The following PCLAF variants were observed in gnomAD, a reference collection of about 807,000 sequenced individuals.
The protein encoded by PCLAF is PCNA-associated factor.
PCLAF carries 12 observed loss-of-function variants against 15.1 expected under a neutral mutation model. The observed-to-expected ratio is 0.79, with a 90% confidence interval of 0.51 to 1.29. PCLAF has a LOEUF of 1.29. PCLAF is among the 50% of genes most tolerant of loss of function. The pLI is 0.00. For synonymous variants in PCLAF, 33 were observed against 47.1 expected, an observed-to-expected ratio of 0.70 and a Z score of 1.22; for missense variants, 116 against 130.9, an observed-to-expected ratio of 0.89 and a Z score of 0.56.
intron 3 of PCLAF, among the ~76,000 whole-genome samples, chr15:64,375,776 G>A (rs1899584408): frequency 6.6e-6 from 1 of 152,130 alleles, no homozygotes; most frequent in Non-Finnish European, 1.5e-5. Context: ...AAGCCAACAA[G>A]GAAATTGCCT....
At chr15:64,366,837 G>T (rs1015262785) in intron 3 of PCLAF, among the ~76,000 whole-genome samples, 4 of 152,078 alleles carry the variant, frequency 2.6e-5, no homozygotes, top group African/African-American at 9.7e-5. Context: ...CCGGGCAGTG[G>T]GGGTGTGTGC....
At chr15:64,385,137 A>G (rs1394051925), upstream of PCLAF, among the ~76,000 whole-genome samples, 1 of 151,660 alleles carries the variant, frequency 6.6e-6, no homozygotes, top group Non-Finnish European at 1.5e-5. Flanking sequence ...CAATCCTCCC[A>G]CCTCAGCCTC....
chr15:64,378,811 T>C (rs1004826571), intron 2 of PCLAF, among the ~76,000 whole-genome samples: 1 of 151,780 alleles, frequency 6.6e-6, no homozygotes, highest in African/African-American at 2.4e-5. Context: ...CTTAGGAGGC[T>C]GAGGCAGAAG....
chr15:64,383,572 G>C (rs904436520), upstream of PCLAF, among the ~76,000 whole-genome samples: 3 of 151,922 alleles, frequency 2.0e-5, no homozygotes, highest in African/African-American at 7.3e-5. Flanking sequence ...TCACCATGTT[G>C]GCCAGGCTGG....
chr15:64,368,242 G>A (rs1158026848), intron 3 of PCLAF, among the ~76,000 whole-genome samples: 1 of 152,008 alleles, frequency 6.6e-6, no homozygotes, highest in Non-Finnish European at 1.5e-5. Flanking sequence ...CTACTCAGGA[G>A]GCTGAGGCAG....
At chr15:64,372,442 G>C (rs1235452747) in intron 3 of PCLAF, among the ~76,000 whole-genome samples, 1 of 143,456 alleles carries the variant, frequency 7.0e-6, no homozygotes, top group Non-Finnish European at 1.5e-5. Context: ...GTGAAACCCC[G>C]TCTCTACTAA....
chr15:64,366,567 G>C (rs1177943923), intron 3 of PCLAF, among the ~76,000 whole-genome samples: 1 of 152,172 alleles, frequency 6.6e-6, no homozygotes, highest in Non-Finnish European at 1.5e-5. Flanking sequence ...GCCAGACACA[G>C]TGACTTACAC....
At chr15:64,367,558 T>G (rs1245563900) in intron 3 of PCLAF, among the ~76,000 whole-genome samples, 1 of 151,750 alleles carries the variant, frequency 6.6e-6, no homozygotes, top group Non-Finnish European at 1.5e-5. Context: ...CCATTATAGT[T>G]TTTTTTTTGA....
exon 1 of PCLAF, chr15:64,387,530 A>C: frequency 7.7e-7 from 1 of 1,301,276 alleles, no homozygotes; most frequent in Non-Finnish European, 9.9e-7. Context: ...CTTTCCGGGT[A>C]TTGGTTTGTT....
intron 2 of PCLAF, among the ~76,000 whole-genome samples, chr15:64,378,454 T>C (rs1377738574): frequency 6.6e-6 from 1 of 152,158 alleles, no homozygotes; most frequent in Non-Finnish European, 1.5e-5. Flanking sequence ...TTTATAAAAA[T>C]AGCAATGGGG....
Position 64,387,670 on chromosome 15 carries a change from C to A in PCLAF, n.18G>T, listed in dbSNP as rs537973168. 106 of 1,411,538 alleles carry A rather than the reference C, an allele frequency of 7.5e-5. No homozygotes were observed. In the East Asian group the frequency reaches 2.6e-3, roughly 34 times the overall value. The allele number at this position is 1,411,538 out of a possible 1,614,324, so 87.4% of individuals were successfully genotyped here. ...ACTGACAGAGCTCGACTCCGGAGGG[C>A]ACAAGGAAGTAGACAACAAAGCAGG... is the stretch of plus-strand genomic sequence containing the variant. On this transcript the variant is annotated non_coding_transcript_exon_variant, in exon 1 of 2. Coordinates refer to the PCLAF transcript ENST00000558250.
chr15:64,370,398 C>G (rs184130617), intron 3 of PCLAF, among the ~76,000 whole-genome samples: 120 of 149,828 alleles, frequency 8.0e-4, no homozygotes, highest in Non-Finnish European at 1.5e-3. Context: ...GACGGATTAT[C>G]GCTCTGTTGC....
chr15:64,380,372 G>T (rs1029762667), intron 2 of PCLAF, among the ~76,000 whole-genome samples: 5 of 151,940 alleles, frequency 3.3e-5, no homozygotes, highest in Admixed American at 2.6e-4. Context: ...AACAGTGCAA[G>T]ACTCTGTCTC....
chr15:64,382,646 C>G (rs1298086261), upstream of PCLAF: 1 of 156,000 alleles, frequency 6.4e-6, no homozygotes, highest in Non-Finnish European at 1.4e-5. Flanking sequence ...CACAACACCC[C>G]TGGGGAGTGA....
chr15:64,378,765 G>T (rs1287806822), intron 2 of PCLAF, among the ~76,000 whole-genome samples: 1 of 152,096 alleles, frequency 6.6e-6, no homozygotes, highest in Non-Finnish European at 1.5e-5. Context: ...ACAAAATTTA[G>T]CCAGGCATGG....
intron 3 of PCLAF, among the ~76,000 whole-genome samples, chr15:64,366,969 A>G (rs1899060552): frequency 6.9e-6 from 1 of 145,844 alleles, no homozygotes; most frequent in Non-Finnish European, 1.5e-5. Context: ...AGCCTGTCTA[A>G]AAAAAAAAAA....
rs1222854883 is a variant in PCLAF, at chr15:64,365,922, A to G, written c.*108T>C. On this transcript the variant is annotated 3_prime_UTR_variant, in exon 4 of 4. Coordinates refer to ENST00000300035, the MANE Select transcript of PCLAF (RefSeq NM_014736.6). The stretch of plus-strand genomic sequence containing the variant: ...AAATTTAAACCTAAATTTTTTAATT[A>G]AATGCCTGTTCAACAAAGCTAATTG... 1 of 910,272 alleles carries G rather than the reference A, an allele frequency of 1.1e-6. No homozygotes were observed. The highest frequency in any genetic ancestry group is 1.7e-5 in the African/African-American group (1 of 58,332). 56.4% of individuals were successfully genotyped at this position (910,272 alleles called of 1,614,324 possible). A position where few individuals can be genotyped will look rare whatever the true frequency, so the allele number is the denominator to read the frequency against.
chr15:64,381,058 A>G lies in PCLAF; in HGVS notation c.47-20T>C, dbSNP rs1444893431. 1.2e-6 allele frequency: 2 copies of G among 1,612,952 alleles called. No individual in the cohort carries two copies. The highest frequency in any genetic ancestry group is 2.7e-5 in the African/African-American group (2 of 74,898). ...CCACCACTGTGAAGAGAGGCAAAAA[A>G]GGGTGTTCAGAAGGGGCAGGAGGGT... On this transcript the variant is annotated intron_variant, in intron 1 of 3. Coordinates refer to ENST00000300035, the MANE Select transcript of PCLAF (RefSeq NM_014736.6).
chr15:64,375,883 A>C (rs1361134700), intron 3 of PCLAF, among the ~76,000 whole-genome samples: 1 of 152,210 alleles, frequency 6.6e-6, no homozygotes, highest in Admixed American at 6.6e-5. Context: ...ATGGGAACTG[A>C]TCCTCTTTGA....
Sources: gnomAD v4.1 joint callset for allele counts (sites outside exome capture counted in the v4.1 genomes callset) on GRCh38, gnomAD v4.1.1 for gene constraint, MANE v1.5 for transcripts, NCBI Gene and HGNC (gene_info 2026-07-23, HGNC 2026-07-21) for gene names.